SHANK2: variants seen among roughly 807,000 people sequenced by gnomAD.
SHANK2 encodes SH3 and multiple ankyrin repeat domains protein 2.
In SHANK2, 43 loss-of-function variants were observed where a neutral mutation model predicts 133.7. That is an observed-to-expected ratio of 0.32 (90% CI 0.25 to 0.41). SHANK2 has a LOEUF of 0.41. Among genes scored for constraint, SHANK2 ranks in the 10% least tolerant of loss-of-function variants. The probability of loss-of-function intolerance (pLI) is 1.00; values close to 1 mark genes in which losing one functional copy is unlikely to be tolerated. For synonymous variants in SHANK2, 1,017 were observed against 952.8 expected, an observed-to-expected ratio of 1.07 and a Z score of -1.24; for missense variants, 1,994 against 2,235.8, an observed-to-expected ratio of 0.89 and a Z score of 2.18.
chr11:70,483,272 A>AC (rs1205368159), intron 25 of SHANK2, among the ~76,000 whole-genome samples: 17 of 152,168 alleles, frequency 1.1e-4, no homozygotes, highest in African/African-American at 3.9e-4. Context: ...CATAAAAATT[A>AC]CCCACCCATG....
At position 70,866,774 on chromosome 11, in the gene SHANK2, C is replaced by T. The variant is rs782091528; in HGVS notation, c.1174+29727G>A. ...TTGCTGGAGTTTTCCTATGTCTACC[C>T]GGCAAATTTTCATCTCCCCATTTCC... On this transcript the variant is annotated intron_variant, in intron 11 of 25. Coordinates refer to ENST00000601538, the MANE Select transcript of SHANK2 (RefSeq NM_012309.5). Among the ~76,000 whole-genome samples the T allele has an allele frequency of 5.3e-5, 8 of 151,718 alleles. No homozygotes were observed. In the South Asian group the frequency reaches 1.0e-3, roughly 20 times the overall value.
intron 14 of SHANK2, among the ~76,000 whole-genome samples, chr11:70,776,128 G>A (rs1947360886): frequency 6.6e-6 from 1 of 152,250 alleles, no homozygotes; most frequent in Admixed American, 6.5e-5. Context: ...CCATCTGACA[G>A]ATGGCACATC....
intron 11 of SHANK2, among the ~76,000 whole-genome samples, chr11:70,865,443 G>T (rs1949338674): frequency 2.6e-5 from 4 of 152,218 alleles, no homozygotes; most frequent in Admixed American, 2.6e-4. Flanking sequence ...AATGGGCCCA[G>T]GAGGCTGAAT....
At chr11:71,124,910 G>C (rs1391787569) in intron 3 of SHANK2, among the ~76,000 whole-genome samples, 1 of 152,168 alleles carries the variant, frequency 6.6e-6, no homozygotes, top group East Asian at 1.9e-4. Flanking sequence ...TCATATCTCT[G>C]TGTCACATAT....
Position 70,506,405 on chromosome 11 carries a change from G to A in SHANK2, c.2062-3474C>T, listed in dbSNP as rs899205073. ...GTAGACCTGCTGCCCTCAGCAGACT[G>A]CAGCAAATGGCAGGACCTGCTCAGG... On this transcript the variant is annotated intron_variant, in intron 17 of 25. Coordinates refer to ENST00000601538, the MANE Select transcript of SHANK2 (RefSeq NM_012309.5). Among the ~76,000 whole-genome samples, 5 of 152,200 alleles carry A rather than the reference G, an allele frequency of 3.3e-5. No homozygotes were observed. The East Asian group carries it at 9.6e-4, about 29-fold the overall frequency.
chr11:71,100,295 C>T (rs1565450705), intron 6 of SHANK2, among the ~76,000 whole-genome samples: 1 of 152,210 alleles, frequency 6.6e-6, no homozygotes, highest in Non-Finnish European at 1.5e-5. Context: ...AAACTTACGT[C>T]CACAAGGAAA....
intron 1 of SHANK2, among the ~76,000 whole-genome samples, chr11:71,237,012 A>C (rs1954833489): frequency 6.6e-6 from 1 of 152,190 alleles, no homozygotes; most frequent in South Asian, 2.1e-4. Flanking sequence ...GGCTCCAATC[A>C]GTCATACCTC....
intron 14 of SHANK2, among the ~76,000 whole-genome samples, chr11:70,736,214 CGCTCGTTTCAGA>C (rs1447703008): frequency 6.6e-6 from 1 of 152,150 alleles, no homozygotes; most frequent in African/African-American, 2.4e-5. Context: ...GGTGGCCAAC[CGCTCGTTTCAGA>C]GCTCACTCAT....
rs1555153191 is a variant in SHANK2 at position 70,485,974 on chromosome 11, T to G, written c.4319A>C (p.Gln1440Pro). ...GGACTGAGGGGTGTCGCTTTTCTTC[T>G]GCTTCACTAAGTCTGAGAGAGCCGG... Reference protein sequence around the residue: ...SVPALSDLVKQKKSDTPQSPS... With the variant: ...SVPALSDLVKPKKSDTPQSPS... The change falls in exon 25 of 26, where the codon CAG becomes CCG. Residue 1440 changes from glutamine (Q) to proline (P), a missense_variant. Gln to Pro is a moderately conservative substitution (Grantham distance 76). Coordinates refer to ENST00000601538, the MANE Select transcript of SHANK2 (RefSeq NM_012309.5). The surrounding 1 kb of genome is among the most constrained non-coding windows in gnomAD (Gnocchi z 5.8). The G allele has an allele frequency of 1.9e-6, 3 of 1,614,154 alleles. No individual in the cohort carries two copies. Among genetic ancestry groups the G allele is most frequent in the South Asian group, 2.2e-5 (2 of 91,080 alleles).
At chr11:70,683,640 C>G (rs1555018852) in intron 15 of SHANK2, among the ~76,000 whole-genome samples, 1 of 152,234 alleles carries the variant, frequency 6.6e-6, no homozygotes, top group East Asian at 1.9e-4. Context: ...GCCACGCTCC[C>G]TCAGGAGGCC....
At chr11:71,153,496 T>G (rs1376025327) in intron 2 of SHANK2, among the ~76,000 whole-genome samples, 1 of 152,196 alleles carries the variant, frequency 6.6e-6, no homozygotes, top group East Asian at 1.9e-4. Context: ...TCATTCGTCC[T>G]CCAGTACCTC....
At chr11:70,743,428 T>G (rs1555035228) in intron 14 of SHANK2, among the ~76,000 whole-genome samples, 4 of 152,206 alleles carry the variant, frequency 2.6e-5, no homozygotes, top group Non-Finnish European at 5.9e-5. Flanking sequence ...GCACAAAGGC[T>G]GCTGTCTGCA....
At position 70,810,692 on chromosome 11, in the gene SHANK2, C is replaced by T. The variant is rs528721552; in HGVS notation, c.1494-3521G>A. On this transcript the variant is annotated intron_variant, in intron 12 of 25. Coordinates refer to ENST00000601538, the MANE Select transcript of SHANK2 (RefSeq NM_012309.5). Reference sequence around the variant, plus strand: ...CTTTACCTCTCTGAGCCTTAATTTTCTTATTTGTAAAATAGGTGGTAGAGG... The same window carrying T: ...CTTTACCTCTCTGAGCCTTAATTTTTTTATTTGTAAAATAGGTGGTAGAGG... Among the ~76,000 whole-genome samples the T allele has an allele frequency of 3.9e-5, 6 of 152,292 alleles. No individual in the cohort carries two copies. In the South Asian group the frequency reaches 1.2e-3, roughly 32 times the overall value.
rs1388492370 is a variant in SHANK2, at chr11:70,539,970, AC to A, written c.2062-37040del. ...GGTGTCCCTGGCTTGGAGGAGCATCACCCCCCTCTGCCTCCATCTTCGCCTG... is the reference window on the plus strand; with the variant it reads ...GGTGTCCCTGGCTTGGAGGAGCATCACCCCCTCTGCCTCCATCTTCGCCTG... On this transcript the variant is annotated intron_variant, in intron 17 of 25. Coordinates refer to ENST00000601538, the MANE Select transcript of SHANK2 (RefSeq NM_012309.5). 2.0e-5 allele frequency among the ~76,000 whole-genome samples: 3 copies of A among 150,712 alleles called. No individual in the cohort carries two copies. In the East Asian group the frequency reaches 5.9e-4, roughly 30 times the overall value.
intron 17 of SHANK2, among the ~76,000 whole-genome samples, chr11:70,559,165 C>T (rs1321491818): frequency 6.6e-6 from 1 of 152,030 alleles, no homozygotes; most frequent in Non-Finnish European, 1.5e-5. Context: ...ATTACAGGCA[C>T]CTGCCACCAC....
chr11:70,662,093 C>T (rs1158756871), intron 15 of SHANK2: 5 of 446,780 alleles, frequency 1.1e-5, no homozygotes, highest in African/African-American at 8.0e-5. Flanking sequence ...ATGAGCTCCT[C>T]CGGCTTGTCC....
At position 70,486,256 on chromosome 11, in the gene SHANK2, G is replaced by A. The variant is rs2058803176; in HGVS notation, c.4037C>T (p.Ser1346Phe). Residue 1346 changes from serine (S) to phenylalanine (F), a missense_variant, in exon 25 of 26, where the codon TCC (serine) becomes TTC (phenylalanine). Coordinates refer to ENST00000601538, the MANE Select transcript of SHANK2 (RefSeq NM_012309.5). The surrounding 1 kb of genome is among the most constrained non-coding windows in gnomAD (Gnocchi z 8.0). Reference sequence around the variant, plus strand: ...TTCGGAAACACCTTCTGGCACCTCGGACGGCGAGCTGTCTGGCTTCATCTC... The same window carrying A: ...TTCGGAAACACCTTCTGGCACCTCGAACGGCGAGCTGTCTGGCTTCATCTC... ...EVEMKPDSSP[S>F]EVPEGVSETE... The A allele has an allele frequency of 6.2e-7, 1 of 1,613,854 alleles. No individual in the cohort carries two copies. The highest frequency in any genetic ancestry group is 1.3e-5 in the African/African-American group (1 of 74,894).
At chr11:70,628,504 C>T (rs1056611305) in intron 17 of SHANK2, among the ~76,000 whole-genome samples, 2 of 152,200 alleles carry the variant, frequency 1.3e-5, no homozygotes, top group Non-Finnish European at 2.9e-5. Context: ...CTCTTTTCCC[C>T]GGGGCCTCCT....
chr11:70,495,031 G>A (rs927899257), intron 21 of SHANK2, among the ~76,000 whole-genome samples: 5 of 152,338 alleles, frequency 3.3e-5, no homozygotes, highest in African/African-American at 9.6e-5. Context: ...GGTCAGGCAC[G>A]GTAGGAAACA....
Sources: gnomAD v4.1 joint callset for allele counts (sites outside exome capture counted in the v4.1 genomes callset) on GRCh38, gnomAD v4.1.1 for gene constraint, Gnocchi (gnomAD v3.1) non-coding constraint, MANE v1.5 for transcripts, NCBI Gene and HGNC (gene_info 2026-07-23, HGNC 2026-07-21) for gene names.